The following SCAMP4 variants were observed in gnomAD, a reference collection of about 807,000 sequenced individuals.
The protein encoded by SCAMP4 is secretory carrier membrane protein 4, also known as secretory carrier-associated membrane protein 4.
In SCAMP4, 19 loss-of-function variants were observed where a neutral mutation model predicts 32.1. That is an observed-to-expected ratio of 0.59 (90% CI 0.41 to 0.87). SCAMP4 has a LOEUF of 0.87. SCAMP4 is among the 40% of genes least tolerant of loss of function. The pLI is 0.00. For missense variants in SCAMP4, 302 were observed against 309.0 expected, an observed-to-expected ratio of 0.98 and a Z score of 0.17; for synonymous variants, 152 against 132.7, an observed-to-expected ratio of 1.15 and a Z score of -1.00.
chr19:1,922,148 C>T (rs773713222), intron 5 of SCAMP4: 55 of 985,360 alleles, frequency 5.6e-5, no homozygotes, highest in Non-Finnish European at 6.6e-5. Context: ...TGTTTTCTGC[C>T]TCCTGGGTCT....
intron 5 of SCAMP4, chr19:1,919,320 C>T: frequency 8.4e-7 from 1 of 1,188,080 alleles, no homozygotes; most frequent in Non-Finnish European, 1.1e-6. Flanking sequence ...GGAGCCAGTT[C>T]CTGGCTGCTG....
intron 5 of SCAMP4, chr19:1,922,325 T>A: frequency 2.1e-6 from 2 of 933,136 alleles, no homozygotes; most frequent in Non-Finnish European, 2.6e-6. Context: ...AACGGCACGA[T>A]CTCGGCTCAC....
rs1235589382 is a variant in SCAMP4, at chr19:1,925,110, CTT to C, written c.*829_*830del. ...TGTTTTGTTTTGTTTTGTTTTTTCT[CTT>C]TTGAGACAAGAGTTTCACTCTGTCG... On this transcript the variant is annotated 3_prime_UTR_variant, in exon 7 of 7. Transcript: ENST00000316097. The C allele has an allele frequency of 9.9e-5, 2 of 20,218 alleles. No individual in the cohort carries two copies. Among genetic ancestry groups the C allele is most frequent in the African/African-American group, 5.9e-4 (2 of 3,394 alleles). 1.3% of individuals were successfully genotyped at this position (20,218 alleles called of 1,614,324 possible).
Position 1,920,828 on chromosome 19 carries a change from G to A in SCAMP4, c.395+1838G>A. 7 of 985,514 alleles carry A rather than the reference G, an allele frequency of 7.1e-6. No individual in the cohort carries two copies. The South Asian group carries it at 1.9e-4, about 26-fold the overall frequency. 61.0% of individuals were successfully genotyped at this position (985,514 alleles called of 1,614,324 possible). A position where few individuals can be genotyped will look rare whatever the true frequency, so the allele number is the denominator to read the frequency against. On this transcript the variant is annotated intron_variant, in intron 5 of 6. Transcript: ENST00000316097. ...GTGGACAGGCCTGTGCCCGTGTTGG[G>A]TGGTCCTGAGATCCCGGCATGAGGT...
intron 2 of SCAMP4, 112 bp from the exon 3 acceptor site, chr19:1,917,582 G>C: frequency 1.6e-6 from 2 of 1,213,278 alleles, no homozygotes; most frequent in Non-Finnish European, 2.3e-6. Flanking sequence ...AATCCCAACT[G>C]CAGAGTCCCT....
chr19:1,921,296 G>A (rs1264619582), intron 5 of SCAMP4: 1 of 985,316 alleles, frequency 1.0e-6, no homozygotes, highest in Non-Finnish European at 1.2e-6. Flanking sequence ...CACCTCCCCA[G>A]GGGTGACGCA....
intron 5 of SCAMP4, chr19:1,921,019 C>T (rs2013902646): frequency 4.1e-6 from 4 of 985,440 alleles, no homozygotes; most frequent in Non-Finnish European, 4.8e-6. Flanking sequence ...GGTGAACGCT[C>T]TTGAGAAAGA....
At position 1,913,064 on chromosome 19, in the gene SCAMP4, C is replaced by G. The variant is rs776784265; in HGVS notation, c.-41-1915C>G. On this transcript the variant is annotated intron_variant, in intron 1 of 6. Coordinates refer to ENST00000316097, the MANE Select transcript of SCAMP4 (RefSeq NM_079834.4). Reference sequence around the variant, plus strand: ...GCGCCCTGGGCACCCGCTTCCGCATCCACGCACGGCCCGACCTCAACCACC... The same window carrying G: ...GCGCCCTGGGCACCCGCTTCCGCATGCACGCACGGCCCGACCTCAACCACC... 5 of 1,602,562 alleles carry G rather than the reference C, an allele frequency of 3.1e-6. No homozygotes were observed. The South Asian group carries it at 3.3e-5, about 11-fold the overall frequency.
intron 1 of SCAMP4, chr19:1,912,024 C>G (rs942301533): frequency 1.3e-5 from 19 of 1,417,234 alleles, no homozygotes; most frequent in Non-Finnish European, 1.6e-5. Context: ...CCCCGGCTCT[C>G]CCCCAGCCGC....
intron 1 of SCAMP4, among the ~76,000 whole-genome samples, chr19:1,907,391 TA>T (rs111426560): frequency 3.6e-3 from 487 of 137,092 alleles, no homozygotes; most frequent in Non-Finnish European, 4.4e-3. Flanking sequence ...AGCCCTGCCT[TA>T]AAAAAAAAAA....
intron 2 of SCAMP4, among the ~76,000 whole-genome samples, chr19:1,917,044 T>C (rs927969387): frequency 6.6e-6 from 1 of 152,208 alleles, no homozygotes; most frequent in Admixed American, 6.5e-5. Flanking sequence ...TCACGCCTGT[T>C]ATCCCAGCAC....
chr19:1,923,675 G>A (rs1462408357), intron 6 of SCAMP4, among the ~76,000 whole-genome samples: 1 of 137,562 alleles, frequency 7.3e-6, no homozygotes, highest in Admixed American at 7.9e-5. Context: ...CTGGAGTGTA[G>A]TGGTGCGATC....
chr19:1,919,068 G>T lies in SCAMP4; in HGVS notation c.395+78G>T, dbSNP rs534766259. 248 of 1,552,620 alleles carry T rather than the reference G, an allele frequency of 1.6e-4. No homozygotes were observed. The African/African-American group carries it at 2.9e-3, about 18-fold the overall frequency. On this transcript the variant is annotated intron_variant, in intron 5 of 6. Coordinates refer to ENST00000316097, the MANE Select transcript of SCAMP4 (RefSeq NM_079834.4). ...TTGTGGGCCTGCTGGGAAGCCAGGC[G>T]GCCACCGGAGCGTGCTGGTCCGGGA...
At chr19:1,919,027 T>C in intron 5 of SCAMP4, 37 bp downstream of exon 5, 1 of 1,573,228 alleles carries the variant, frequency 6.4e-7, no homozygotes, top group Non-Finnish European at 8.6e-7. Context: ...GGCTGTGATG[T>C]GGCTCAGCTG....
chr19:1,917,460 C>T (rs916611441), intron 2 of SCAMP4, among the ~76,000 whole-genome samples: 5 of 152,330 alleles, frequency 3.3e-5, no homozygotes, highest in Admixed American at 2.0e-4. Context: ...CCCCTTTCTC[C>T]CCCTTCACAG....
chr19:1,921,102 C>G, intron 5 of SCAMP4: 2 of 985,440 alleles, frequency 2.0e-6, no homozygotes, highest in Non-Finnish European at 2.4e-6. Flanking sequence ...ACAGCGACTT[C>G]ATGTCCACCG....
intron 5 of SCAMP4, among the ~76,000 whole-genome samples, chr19:1,919,699 G>A (rs1025400590): frequency 3.3e-5 from 5 of 150,606 alleles, no homozygotes; most frequent in Non-Finnish European, 7.4e-5. Flanking sequence ...GGGTTTCACC[G>A]TGTTGCCCAG....
At chr19:1,911,626 C>G (rs918796586) in intron 1 of SCAMP4, among the ~76,000 whole-genome samples, 17 of 152,048 alleles carry the variant, frequency 1.1e-4, no homozygotes, top group African/African-American at 3.9e-4. Flanking sequence ...ACTAAAAATA[C>G]ACAAAAATTA....
In SCAMP4 at chr19:1,922,478, G is replaced by A. The variant is rs142963112; in HGVS notation, c.396-592G>A. 175 of 918,738 alleles carry A rather than the reference G, an allele frequency of 1.9e-4. No homozygotes were observed. The Admixed American group carries it at 4.5e-3, about 24-fold the overall frequency. 56.9% of individuals were successfully genotyped at this position (918,738 alleles called of 1,614,324 possible). A position where few individuals can be genotyped will look rare whatever the true frequency, so the allele number is the denominator to read the frequency against. On this transcript the variant is annotated intron_variant, in intron 5 of 6. Transcript: ENST00000316097. ...TCCAGTTCCTGGCCTCAAGTGATCC[G>A]CCCGCCTCGGCCTCCCAAAGTGCTG...
Sources: allele counts gnomAD v4.1 joint callset (sites outside exome capture counted in the v4.1 genomes callset), GRCh38; gene constraint gnomAD v4.1.1; transcripts MANE v1.5; gene names NCBI Gene and HGNC (gene_info 2026-07-23, HGNC 2026-07-21).